The following ZMYND15 variants were observed in gnomAD, a reference collection of about 807,000 sequenced individuals.
ZMYND15 encodes the protein zinc finger MYND domain-containing protein 15.
Under a neutral mutation model 81.7 loss-of-function variants are expected in ZMYND15, and 54 were observed. The observed-to-expected ratio is 0.66, with a 90% CI of 0.53 to 0.83. The LOEUF (loss-of-function observed/expected upper bound fraction) is 0.83, where lower values mean the gene tolerates loss of function less well. Ranked by LOEUF, ZMYND15 falls within the 40% of genes least tolerant of loss-of-function variation. The probability of loss-of-function intolerance (pLI) is 0.00; values close to 1 mark genes in which losing one functional copy is unlikely to be tolerated. For missense variants in ZMYND15, 925 were observed against 973.5 expected (o/e 0.95, Z 0.66); for synonymous variants, 399 against 387.0 (o/e 1.03, Z -0.36).
At position 4,744,290 on chromosome 17, in the gene ZMYND15, C is replaced by T; in HGVS notation, c.1584+12C>T. 6.2e-7 allele frequency: 1 copy of T among 1,614,084 alleles called. No individual in the cohort carries two copies. Among genetic ancestry groups the T allele is most frequent in the Non-Finnish European group, 8.5e-7 (1 of 1,179,964 alleles). ...TCATGGTGTTTTGGGTAAGTCACCCCAGGCCTGAAGGTTGGGCATTTTGGT... is the reference window on the plus strand; with the variant it reads ...TCATGGTGTTTTGGGTAAGTCACCCTAGGCCTGAAGGTTGGGCATTTTGGT... On this transcript the variant is annotated intron_variant, in intron 9 of 13. Coordinates refer to ENST00000433935, the MANE Select transcript of ZMYND15 (RefSeq NM_001136046.3). The surrounding 1 kb of genome is among the most constrained non-coding windows in gnomAD (Gnocchi z 4.1).
chr17:4,743,986 G>T lies in ZMYND15; in HGVS notation c.1379-5G>T. On this transcript the variant is annotated splice_region_variant and splice_polypyrimidine_tract_variant and intron_variant, in intron 7 of 13. Transcript: ENST00000433935. This position sits in a 1 kb window ranked among gnomAD's most constrained non-coding sequence, Gnocchi z 4.3. ...CCAGGTCCTCTAGCAACCCTCTCCT[G>T]CCAGGCTCATGGCAGGATTACTACA... is the stretch of plus-strand genomic sequence containing the variant. The T allele has an allele frequency of 6.4e-7, 1 of 1,554,338 alleles. No homozygotes were observed. Among genetic ancestry groups the T allele is most frequent in the Non-Finnish European group, 8.7e-7 (1 of 1,148,054 alleles).
Position 4,743,175 on chromosome 17 carries a change from G to C in ZMYND15, c.1145-128G>C. 1 of 1,111,298 alleles carries C rather than the reference G, an allele frequency of 9.0e-7. No individual in the cohort carries two copies. The highest frequency in any genetic ancestry group is 1.3e-6 in the Non-Finnish European group (1 of 778,228). 68.8% of individuals were successfully genotyped at this position (1,111,298 alleles called of 1,614,324 possible). A position where few individuals can be genotyped will look rare whatever the true frequency, so the allele number is the denominator to read the frequency against. ...AATCGTTTGAGTCCAAGAGGTCGAG[G>C]CTGTAGTGTCCCGTGATCACGCCAC... On this transcript the variant is annotated intron_variant, in intron 5 of 13. Coordinates refer to ENST00000433935, the MANE Select transcript of ZMYND15 (RefSeq NM_001136046.3). The surrounding 1 kb of genome is among the most constrained non-coding windows in gnomAD (Gnocchi z 4.3).
Position 4,745,979 on chromosome 17 carries a change from C to A in ZMYND15, c.2218C>A (p.Arg740=). ...GEKKPGRGAR[R]RK ...AAAGAAACCTGGGCGGGGGGCCCGC[C>A]GGCGGAAATGAATGCTGATACCCTA... The change falls in exon 14 of 14, where the codon CGG becomes AGG. Residue 740 remains arginine, a synonymous_variant. Coordinates refer to ENST00000433935, the MANE Select transcript of ZMYND15 (RefSeq NM_001136046.3). This position sits in a 1 kb window ranked among gnomAD's most constrained non-coding sequence, Gnocchi z 5.2. 4 of 1,441,590 alleles carry A rather than the reference C, an allele frequency of 2.8e-6. No homozygotes were observed. Among genetic ancestry groups the A allele is most frequent in the Non-Finnish European group, 2.7e-6 (3 of 1,101,948 alleles). 89.3% of individuals were successfully genotyped at this position (1,441,590 alleles called of 1,614,324 possible). A position where few individuals can be genotyped will look rare whatever the true frequency, so the allele number is the denominator to read the frequency against.
At position 4,740,843 on chromosome 17, in the gene ZMYND15, G is replaced by A; in HGVS notation, c.295G>A (p.Asp99Asn). Residue 99 changes from aspartate (D) to asparagine (N), a missense_variant, in exon 2 of 14, where the codon GAC becomes AAC. Physicochemically the swap from Asp to Asn is conservative, Grantham distance 23. Transcript: ENST00000433935. ...AGACAACCCTCCACTCCACCTGCGA[G>A]ACCTGAGCCCCTACATCAGCTTTGT... ...LGDNPPLHLR[D>N]LSPYISFVSL... 1 of 1,578,582 alleles carries A rather than the reference G, an allele frequency of 6.3e-7. No homozygotes were observed. Among genetic ancestry groups the A allele is most frequent in the African/African-American group, 1.3e-5 (1 of 74,210 alleles).
At position 4,743,262 on chromosome 17, in the gene ZMYND15, T is replaced by A; in HGVS notation, c.1145-41T>A. The A allele has an allele frequency of 6.4e-7, 1 of 1,572,828 alleles. No homozygotes were observed. Among genetic ancestry groups the A allele is most frequent in the African/African-American group, 1.4e-5 (1 of 72,028 alleles). ...TCAAAAAAAAAAAAATGTCTGGGGT[T>A]CTAGCCCAGCACCTCAACTCCTCCC... On this transcript the variant is annotated intron_variant, in intron 5 of 13. Transcript: ENST00000433935. The surrounding 1 kb of genome is among the most constrained non-coding windows in gnomAD (Gnocchi z 4.3).
In ZMYND15 at chr17:4,744,080, G is replaced by C; in HGVS notation, c.1468G>C (p.Val490Leu). The change falls in exon 8 of 14, where the codon GTC (valine) becomes CTC (leucine). Residue 490 changes from valine (V) to leucine (L), a missense_variant. Transcript: ENST00000433935. This position sits in a 1 kb window ranked among gnomAD's most constrained non-coding sequence, Gnocchi z 4.1. ...CACCTACCCGCTGACCGTGTACTAC[G>C]TCATCACCCACCTGGTGCCCCAGTC... ...LLTYPLTVYYVITHLVPQSFP... is the reference protein window; with the variant it reads ...LLTYPLTVYYLITHLVPQSFP... The C allele has an allele frequency of 6.3e-7, 1 of 1,577,590 alleles. No homozygotes were observed. The highest frequency in any genetic ancestry group is 8.6e-7 in the Non-Finnish European group (1 of 1,161,188).
At chr17:4,741,547 C>T (rs775079749) in intron 2 of ZMYND15, 35 bp from the exon 3 acceptor site, 3 of 1,610,310 alleles carry the variant, frequency 1.9e-6, no homozygotes, top group Non-Finnish European at 2.5e-6. Flanking sequence ...TCTCTCGCTG[C>T]CCCCTACCAC....
At chr17:4,742,205 T>C (rs907230880) in intron 4 of ZMYND15, 126 bp from the exon 5 acceptor site, 8 of 1,531,530 alleles carry the variant, frequency 5.2e-6, no homozygotes, top group Non-Finnish European at 7.1e-6. Context: ...ATACAGACTG[T>C]TACAGGCGGT....
rs749659288 is a variant in ZMYND15 at position 4,744,630 on chromosome 17, C to T, written c.1689C>T (p.Ser563=). Residue 563 remains serine, a synonymous_variant, in exon 11 of 14, where the codon AGC becomes AGT. Coordinates refer to ENST00000433935, the MANE Select transcript of ZMYND15 (RefSeq NM_001136046.3). The surrounding 1 kb of genome is among the most constrained non-coding windows in gnomAD (Gnocchi z 4.1). ...DEQHFTLQRD[S]LEVSVRPGSG... ...CCACTCCTGGGGCCCCTCAGGACAG[C>T]CTGGAGGTGTCTGTCCGGCCTGGTT... is the stretch of plus-strand genomic sequence containing the variant. The T allele has an allele frequency of 5.6e-6, 9 of 1,612,196 alleles. No individual in the cohort carries two copies. In the South Asian group the frequency reaches 9.9e-5, roughly 18 times the overall value.
rs1398488329 is a variant in ZMYND15, at chr17:4,742,436, A to G, written c.1089A>G (p.Ala363=). The change falls in exon 5 of 14, where the codon GCA becomes GCG. Residue 363 remains alanine (A), a synonymous_variant. Coordinates refer to ENST00000433935, the MANE Select transcript of ZMYND15 (RefSeq NM_001136046.3). ...VSHRFWCPRL[A]AFMERAGELA... is the part of the protein sequence containing the mutation. ...ACCGATTTTGGTGCCCAAGGCTTGCAGCCTTCATGGAGCGGGCAGGAGAAC... is the reference window on the plus strand; with the variant it reads ...ACCGATTTTGGTGCCCAAGGCTTGCGGCCTTCATGGAGCGGGCAGGAGAAC... 4 of 1,614,088 alleles carry G rather than the reference A, an allele frequency of 2.5e-6. No homozygotes were observed. The highest frequency in any genetic ancestry group is 3.4e-6 in the Non-Finnish European group (4 of 1,180,060).
chr17:4,745,948 AGG>A lies in ZMYND15; in HGVS notation c.2188_2189del (p.Gly730ArgfsTer45). ...CTCCTGCCCCCACCCGAAGGCGCCGAGGAGAAAAGAAACCTGGGCGGGGGGCC... is the reference window on the plus strand; with the variant it reads ...CTCCTGCCCCCACCCGAAGGCGCCGAAGAAAAGAAACCTGGGCGGGGGGCC... ...APPAPTRRRR[G>X]EKKPGRGARR... On this transcript the variant is annotated frameshift_variant, in exon 14 of 14. Transcript: ENST00000433935. LOFTEE classifies it high-confidence loss of function. The surrounding 1 kb of genome is among the most constrained non-coding windows in gnomAD (Gnocchi z 5.2). 2 of 1,458,438 alleles carry A rather than the reference AGG, an allele frequency of 1.4e-6. No homozygotes were observed. The highest frequency in any genetic ancestry group is 1.8e-6 in the Non-Finnish European group (2 of 1,109,340). 90.3% of individuals were successfully genotyped at this position (1,458,438 alleles called of 1,614,324 possible).
chr17:4,743,232 C>G lies in ZMYND15; in HGVS notation c.1145-71C>G. 2 of 1,427,802 alleles carry G rather than the reference C, an allele frequency of 1.4e-6. No homozygotes were observed. The highest frequency in any genetic ancestry group is 1.3e-5 in the South Asian group (1 of 76,358). 88.4% of individuals were successfully genotyped at this position (1,427,802 alleles called of 1,614,324 possible). A position where few individuals can be genotyped will look rare whatever the true frequency, so the allele number is the denominator to read the frequency against. On this transcript the variant is annotated intron_variant, in intron 5 of 13. Coordinates refer to ENST00000433935, the MANE Select transcript of ZMYND15 (RefSeq NM_001136046.3). This position sits in a 1 kb window ranked among gnomAD's most constrained non-coding sequence, Gnocchi z 4.3. ...CTAGCTTGGGTGATAGAGCAAGACT[C>G]TGTCTCAAAAAAAAAAAAATGTCTG...
At chr17:4,740,469 C>T in intron 1 of ZMYND15, 50 bp from the exon 2 acceptor site, 1 of 1,473,918 alleles carries the variant, frequency 6.8e-7, no homozygotes, top group African/African-American at 1.4e-5. Context: ...CAGCCCCAAA[C>T]TCCATCATTG....
chr17:4,743,261 T>A lies in ZMYND15; in HGVS notation c.1145-42T>A. On this transcript the variant is annotated intron_variant, in intron 5 of 13. Transcript: ENST00000433935. This position sits in a 1 kb window ranked among gnomAD's most constrained non-coding sequence, Gnocchi z 4.3. ...CTCAAAAAAAAAAAAATGTCTGGGG[T>A]TCTAGCCCAGCACCTCAACTCCTCC... 1 of 1,567,802 alleles carries A rather than the reference T, an allele frequency of 6.4e-7. No homozygotes were observed. Among genetic ancestry groups the A allele is most frequent in the African/African-American group, 1.4e-5 (1 of 71,536 alleles).
rs1311923549 is a variant in ZMYND15 at position 4,742,469 on chromosome 17, C to T, written c.1122C>T (p.Thr374=). ...AFMERAGELA[T]LPFTYTAEVT... Reference sequence around the variant, plus strand: ...TGGAGCGGGCAGGAGAACTGGCAACCCTGCCTTTTACCTACACCGCAGGTA... The same window carrying T: ...TGGAGCGGGCAGGAGAACTGGCAACTCTGCCTTTTACCTACACCGCAGGTA... Residue 374 remains threonine, a synonymous_variant, in exon 5 of 14, where the codon ACC becomes ACT. Transcript: ENST00000433935. The T allele has an allele frequency of 6.2e-7, 1 of 1,613,990 alleles. No individual in the cohort carries two copies. The highest frequency in any genetic ancestry group is 1.3e-5 in the African/African-American group (1 of 74,908).
Position 4,740,893 on chromosome 17 carries a change from GGAGGAGGAA to G in ZMYND15, c.357_365del (p.Glu119_Glu121del), listed in dbSNP as rs760427870. 12 of 1,581,310 alleles carry G rather than the reference GGAGGAGGAA, an allele frequency of 7.6e-6. No individual in the cohort carries two copies. The highest frequency in any genetic ancestry group is 1.7e-4 in the Middle Eastern group (1 of 5,874). ...TCAGCCTAGAGGATGGGGAGGAAGG[GGAGGAGGAA>G]GAGGAGGAAGATGAAGAAGAAGAGA... is the stretch of plus-strand genomic sequence containing the variant. On this transcript the variant is annotated inframe_deletion, in exon 2 of 14. Coordinates refer to ENST00000433935, the MANE Select transcript of ZMYND15 (RefSeq NM_001136046.3).
rs1364122402 is a variant in ZMYND15, at chr17:4,743,269, C to T, written c.1145-34C>T. ...AAAAAAAATGTCTGGGGTTCTAGCC[C>T]AGCACCTCAACTCCTCCCCTTCTCC... On this transcript the variant is annotated intron_variant, in intron 5 of 13. Coordinates refer to ENST00000433935, the MANE Select transcript of ZMYND15 (RefSeq NM_001136046.3). The surrounding 1 kb of genome is among the most constrained non-coding windows in gnomAD (Gnocchi z 4.3). 1 of 1,589,412 alleles carries T rather than the reference C, an allele frequency of 6.3e-7. No homozygotes were observed. Among genetic ancestry groups the T allele is most frequent in the South Asian group, 1.1e-5 (1 of 87,332 alleles).
At position 4,739,905 on chromosome 17, in the gene ZMYND15, G is replaced by T; in HGVS notation, c.-176G>T. The T allele has an allele frequency of 7.1e-6, 7 of 985,400 alleles. No individual in the cohort carries two copies. The highest frequency in any genetic ancestry group is 7.2e-6 in the Non-Finnish European group (6 of 830,050). 61.0% of individuals were successfully genotyped at this position (985,400 alleles called of 1,614,324 possible). On this transcript the variant is annotated 5_prime_UTR_variant, in exon 1 of 14. Transcript: ENST00000433935. This position sits in a 1 kb window ranked among gnomAD's most constrained non-coding sequence, Gnocchi z 5.3. The stretch of plus-strand genomic sequence containing the variant: ...GCCAGCCCCGGCCGCGCGCACCTGC[G>T]GGGCAGCCACCCGCGGACGCACCGA...
In ZMYND15 at chr17:4,741,003, G is replaced by A; in HGVS notation, c.455G>A (p.Arg152Lys). Reference protein sequence around the residue: ...EEDRELAPTSRESPQETNPPG... With the variant: ...EEDRELAPTSKESPQETNPPG... Reference sequence around the variant, plus strand: ...GACCGGGAGCTAGCCCCTACCAGCAGGGAGTCCCCCCAGGAAACAAACCCT... The same window carrying A: ...GACCGGGAGCTAGCCCCTACCAGCAAGGAGTCCCCCCAGGAAACAAACCCT... Residue 152 changes from arginine (R) to lysine (K), a missense_variant, in exon 2 of 14, where the codon AGG (arginine) becomes AAG (lysine). Arg to Lys is a conservative substitution (Grantham distance 26, BLOSUM62 2). Transcript: ENST00000433935. The A allele has an allele frequency of 1.3e-6, 2 of 1,556,614 alleles. No individual in the cohort carries two copies. Among genetic ancestry groups the A allele is most frequent in the Non-Finnish European group, 1.7e-6 (2 of 1,149,544 alleles).
Sources: gnomAD v4.1 joint callset for allele counts on GRCh38, gnomAD v4.1.1 for gene constraint, Gnocchi (gnomAD v3.1) non-coding constraint, MANE v1.5 for transcripts, NCBI Gene and HGNC (gene_info 2026-07-23, HGNC 2026-07-21) for gene names.